The following MUC5AC variants were observed in gnomAD, a reference collection of about 807,000 sequenced individuals.
The protein encoded by MUC5AC is mucin 5AC, oligomeric mucus/gel-forming.
A neutral mutation model predicts 169.7 loss-of-function variants in MUC5AC; 158 were observed. The observed-to-expected ratio is 0.93, with a 90% CI of 0.82 to 1.06. The LOEUF (loss-of-function observed/expected upper bound fraction) is 1.06. MUC5AC is among the 50% of genes least tolerant of loss of function. MUC5AC has a pLI of 0.00. For synonymous variants in MUC5AC, 1,975 were observed against 1,237.0 expected (o/e 1.60, Z -12.52); for missense variants, 4,359 against 3,089.9 (o/e 1.41, Z -9.74).
In MUC5AC at chr11:1,162,099, G is replaced by C; in HGVS notation, c.404G>C (p.Arg135Thr). ...SQESAAPTLS[R>T]VLMKVDGVVI... ...GAGTCAGCGGCCCCCACGCTGAGCA[G>C]GGTCCTCATGAAGGTGGATGGCGTG... Residue 135 changes from arginine (R) to threonine (T), a missense_variant, in exon 4 of 49, where the codon AGG becomes ACG. Coordinates refer to ENST00000621226, the MANE Select transcript of MUC5AC (RefSeq NM_001304359.2). The C allele has an allele frequency of 6.2e-7, 1 of 1,612,696 alleles. No homozygotes were observed. Among genetic ancestry groups the C allele is most frequent in the Non-Finnish European group, 8.5e-7 (1 of 1,179,836 alleles).
rs1009944323 is a variant in MUC5AC, at chr11:1,199,976, G to T, written c.16700+7G>T. On this transcript the variant is annotated splice_region_variant and intron_variant, in intron 48 of 48. Transcript: ENST00000621226. The stretch of plus-strand genomic sequence containing the variant: ...GTGGGGACAGCTCTTCCATGTACGT[G>T]CCTGGGCAGCAGGCAGGGAGACGCG... The T allele has an allele frequency of 2.6e-6, 2 of 757,156 alleles. No individual in the cohort carries two copies. Among genetic ancestry groups the T allele is most frequent in the East Asian group, 2.4e-5 (1 of 40,996 alleles). The allele number at this position is 757,156 out of a possible 1,614,324, so 46.9% of individuals were successfully genotyped here. A position where few individuals can be genotyped will look rare whatever the true frequency, so the allele number is the denominator to read the frequency against.
intron 42 of MUC5AC, 130 bp downstream of exon 42, chr11:1,198,134 G>T (rs544807860): frequency 5.0e-5 from 34 of 677,440 alleles, no homozygotes; most frequent in Admixed American, 2.5e-4. Context: ...TGAGCCTTCC[G>T]CAGAGATGAG....
rs1328141528 is a variant in MUC5AC at position 1,189,803 on chromosome 11, C to A, written c.11658C>A (p.Ser3886Arg). The A allele has an allele frequency of 8.3e-6, 6 of 726,402 alleles. No homozygotes were observed. Among genetic ancestry groups the A allele is most frequent in the South Asian group, 7.2e-5 (5 of 69,822 alleles). The allele number at this position is 726,402 out of a possible 1,614,324, so 45.0% of individuals were successfully genotyped here. A position where few individuals can be genotyped will look rare whatever the true frequency, so the allele number is the denominator to read the frequency against. The change falls in exon 31 of 49, where the codon AGC becomes AGA. Residue 3886 changes from serine to arginine, a missense_variant. Coordinates refer to ENST00000621226, the MANE Select transcript of MUC5AC (RefSeq NM_001304359.2). Reference sequence around the variant, plus strand: ...GCACAACCTCTTTCCATACAACCAGCACAACCTCTCCCCCTACAAGCAGCA... The same window carrying A: ...GCACAACCTCTTTCCATACAACCAGAACAACCTCTCCCCCTACAAGCAGCA... ...TTSTTSFHTT[S>R]TTSPPTSSTS...
chr11:1,195,635 G>A (rs575207183), intron 36 of MUC5AC, among the ~76,000 whole-genome samples: 4 of 137,722 alleles, frequency 2.9e-5, no homozygotes, highest in African/African-American at 1.2e-4. Flanking sequence ...GGGCTGGGGG[G>A]GCCAGGAAGA....
chr11:1,186,121 C>A lies in MUC5AC; in HGVS notation c.7976C>A (p.Thr2659Asn), dbSNP rs1860937518. Residue 2659 changes from threonine (T) to asparagine (N), a missense_variant, in exon 31 of 49, where the codon ACT becomes AAT. By Grantham distance (65) the Thr-to-Asn change is moderately conservative (BLOSUM62 0). Transcript: ENST00000621226. Reference sequence around the variant, plus strand: ...AGCACAACCTCTGGTCCTGGAACTACTCCCAGCCCTGTTCCTACCACCAGC... The same window carrying A: ...AGCACAACCTCTGGTCCTGGAACTAATCCCAGCCCTGTTCCTACCACCAGC... Reference protein sequence around the residue: ...TTSTTSGPGTTPSPVPTTSTI... With the variant: ...TTSTTSGPGTNPSPVPTTSTI... 1.3e-6 allele frequency: 1 copy of A among 742,696 alleles called. No homozygotes were observed. The highest frequency in any genetic ancestry group is 1.8e-5 in the Admixed American group (1 of 56,096). 46.0% of individuals were successfully genotyped at this position (742,696 alleles called of 1,614,324 possible).
chr11:1,162,224 G>A (rs993382771), intron 4 of MUC5AC, 56 bp downstream of exon 4: 16 of 1,580,604 alleles, frequency 1.0e-5, no homozygotes, highest in African/African-American at 5.4e-5. Flanking sequence ...TGGCATTTCC[G>A]GGTGGTTGCG....
intron 24 of MUC5AC, among the ~76,000 whole-genome samples, 151 bp downstream of exon 24, chr11:1,177,784 C>G (rs891537857): frequency 1.2e-4 from 19 of 152,290 alleles, no homozygotes; most frequent in African/African-American, 4.3e-4. Context: ...GGAGCCTTGG[C>G]AAGGGCAGCG....
At chr11:1,164,590 C>T (rs1860248724) in intron 9 of MUC5AC, 58 bp downstream of exon 9, 1 of 1,537,078 alleles carries the variant, frequency 6.5e-7, no homozygotes, top group Non-Finnish European at 8.7e-7. Context: ...GGGGGCTGTG[C>T]TCCCATGGCC....
chr11:1,163,383 G>A (rs1250889684), intron 6 of MUC5AC, among the ~76,000 whole-genome samples: 3 of 152,266 alleles, frequency 2.0e-5, no homozygotes, highest in East Asian at 1.9e-4. Flanking sequence ...TTGCAAATGT[G>A]ACCTGCACCA....
At position 1,199,047 on chromosome 11, in the gene MUC5AC, G is replaced by A. The variant is rs753176270; in HGVS notation, c.16297-40G>A. 1.7e-5 allele frequency: 13 copies of A among 762,824 alleles called. 1 individual carries two copies. Among genetic ancestry groups the A allele is most frequent in the South Asian group, 1.2e-4 (9 of 74,334 alleles). 47.3% of individuals were successfully genotyped at this position (762,824 alleles called of 1,614,324 possible). ...CCTGCCCTGGCTCTTGGGGGGCAGC[G>A]GTCGCCTGGATTCCAGCCACATGTC... On this transcript the variant is annotated intron_variant, in intron 44 of 48. Coordinates refer to ENST00000621226, the MANE Select transcript of MUC5AC (RefSeq NM_001304359.2).
rs1860928010 is a variant in MUC5AC, at chr11:1,185,802, A to G, written c.7657A>G (p.Ile2553Val). 3 of 737,102 alleles carry G rather than the reference A, an allele frequency of 4.1e-6. No individual in the cohort carries two copies. Among genetic ancestry groups the G allele is most frequent in the South Asian group, 2.8e-5 (2 of 71,934 alleles). The allele number at this position is 737,102 out of a possible 1,614,324, so 45.7% of individuals were successfully genotyped here. A position where few individuals can be genotyped will look rare whatever the true frequency, so the allele number is the denominator to read the frequency against. ...TACAACCAGCACAACCTCTGCCCCT[A>G]TAAGCAGCACAACCTCTGCCACTAC... The part of the protein sequence containing the change: ...APTTSTTSAP[I>V]SSTTSATTTS... The change falls in exon 31 of 49, where the codon ATA becomes GTA. Residue 2553 changes from isoleucine to valine, a missense_variant. By Grantham distance (29) the Ile-to-Val change is conservative (BLOSUM62 3). Transcript: ENST00000621226.
chr11:1,160,960 G>A (rs1253724835), intron 2 of MUC5AC, among the ~76,000 whole-genome samples: 1 of 152,216 alleles, frequency 6.6e-6, no homozygotes, highest in East Asian at 1.9e-4. Flanking sequence ...GTGGGAGCCG[G>A]TCACCCTCCG....
At chr11:1,199,056 G>C (rs757294081) in intron 44 of MUC5AC, 31 bp from the exon 45 acceptor site, 1 of 763,244 alleles carries the variant, frequency 1.3e-6, no homozygotes, top group Non-Finnish European at 2.4e-6. Flanking sequence ...CGGTCGCCTG[G>C]ATTCCAGCCA....
Position 1,198,877 on chromosome 11 carries a change from G to A in MUC5AC, c.16177G>A (p.Gly5393Ser), listed in dbSNP as rs752259666. Reference protein sequence around the residue: ...CSINGTLYQPGAVVSSSLCET... With the variant: ...CSINGTLYQPSAVVSSSLCET... Reference sequence around the variant, plus strand: ...CTGCTGCCCTGGCTCTCCCCAGCCCGGCGCCGTGGTCTCCTCGAGCCTGTG... The same window carrying A: ...CTGCTGCCCTGGCTCTCCCCAGCCCAGCGCCGTGGTCTCCTCGAGCCTGTG... The change falls in exon 44 of 49, where the codon GGC becomes AGC. Residue 5393 changes from glycine to serine, a missense_variant. By Grantham distance (56) the Gly-to-Ser change is moderately conservative. Transcript: ENST00000621226. 142 of 742,612 alleles carry A rather than the reference G, an allele frequency of 1.9e-4. No homozygotes were observed. The highest frequency in any genetic ancestry group is 4.0e-4 in the Admixed American group (22 of 55,556). 46.0% of individuals were successfully genotyped at this position (742,612 alleles called of 1,614,324 possible).
chr11:1,195,536 G>A (rs988731519), intron 36 of MUC5AC, among the ~76,000 whole-genome samples: 2 of 152,112 alleles, frequency 1.3e-5, no homozygotes, highest in African/African-American at 4.8e-5. Flanking sequence ...TTGGCCGGCT[G>A]GGCCGTCTCT....
chr11:1,163,858 AG>A (rs755848116), intron 6 of MUC5AC, 23 bp from the exon 7 acceptor site: 4 of 1,557,108 alleles, frequency 2.6e-6, no homozygotes, highest in Non-Finnish European at 3.5e-6. Context: ...CTGCAGGCAG[AG>A]CCCGCCTCTG....
chr11:1,187,737 T>A lies in MUC5AC; in HGVS notation c.9592T>A (p.Ser3198Thr). Reference protein sequence around the residue: ...PSPVPTTSTASVSKTSTSHVS... With the variant: ...PSPVPTTSTATVSKTSTSHVS... ...CCCCGTTCCCACCACCAGCACAGCC[T>A]CTGTTTCAAAGACCAGCACAAGCCA... is the stretch of plus-strand genomic sequence containing the variant. Residue 3198 changes from serine to threonine, a missense_variant, in exon 31 of 49, where the codon TCT (serine) becomes ACT (threonine). Transcript: ENST00000621226. The A allele has an allele frequency of 1.3e-6, 1 of 764,982 alleles. No homozygotes were observed. The highest frequency in any genetic ancestry group is 2.4e-6 in the Non-Finnish European group (1 of 417,818). 47.4% of individuals were successfully genotyped at this position (764,982 alleles called of 1,614,324 possible). A position where few individuals can be genotyped will look rare whatever the true frequency, so the allele number is the denominator to read the frequency against.
At chr11:1,172,343 C>CT (rs1860569843) in intron 15 of MUC5AC, 86 bp from the exon 16 acceptor site, 1 of 398,376 alleles carries the variant, frequency 2.5e-6, no homozygotes, top group Admixed American at 4.4e-5. Context: ...AAGCTGGCCA[C>CT]CCAAACCCCA....
At position 1,200,844 on chromosome 11, in the gene MUC5AC, G is replaced by A; in HGVS notation, c.*142G>A. ...TGTCCACGCCCGCTTTCTTGTGGAG[G>A]GTGTGGGCTATGGGTCACCTGCTGC... On this transcript the variant is annotated 3_prime_UTR_variant, in exon 49 of 49. Transcript: ENST00000621226. 1 of 594,338 alleles carries A rather than the reference G, an allele frequency of 1.7e-6. No individual in the cohort carries two copies. 36.8% of individuals were successfully genotyped at this position (594,338 alleles called of 1,614,324 possible). A position where few individuals can be genotyped will look rare whatever the true frequency, so the allele number is the denominator to read the frequency against.
Sources: allele counts gnomAD v4.1 joint callset (sites outside exome capture counted in the v4.1 genomes callset), GRCh38; gene constraint gnomAD v4.1.1; transcripts MANE v1.5; gene names NCBI Gene and HGNC (gene_info 2026-07-23, HGNC 2026-07-21).